The following SHANK2 variants were observed in gnomAD, a reference collection of about 807,000 sequenced individuals.
SHANK2 encodes SH3 and multiple ankyrin repeat domains 2.
In SHANK2, 43 loss-of-function variants were observed where a neutral mutation model predicts 133.7. The observed-to-expected ratio is 0.32, with a 90% CI of 0.25 to 0.41. The LOEUF is 0.41. Ranked by LOEUF, SHANK2 falls within the 10% of genes least tolerant of loss-of-function variation. The pLI, the probability that SHANK2 is intolerant of heterozygous loss-of-function variation, is 1.00. For synonymous variants in SHANK2, 1,017 were observed against 952.8 expected (o/e 1.07, Z -1.24); for missense variants, 1,994 against 2,235.8 (o/e 0.89, Z 2.18).
At chr11:70,753,592 T>C (rs75513142) in intron 14 of SHANK2, among the ~76,000 whole-genome samples, 4,007 of 128,402 alleles carry the variant, frequency 0.031, 158 homozygotes, top group African/African-American at 0.12. Context: ...ATAAAAATTT[T>C]AGTAAGACTG....
chr11:70,735,098 C>T (rs1946374549), intron 14 of SHANK2, among the ~76,000 whole-genome samples: 1 of 152,198 alleles, frequency 6.6e-6, no homozygotes, highest in Non-Finnish European at 1.5e-5. Flanking sequence ...GTGGGCGAGG[C>T]CGTGGCCTCC....
chr11:70,492,605 G>A (rs528582446), intron 21 of SHANK2, 140 bp from the exon 22 acceptor site: 74 of 1,100,960 alleles, frequency 6.7e-5, no homozygotes, highest in Middle Eastern at 2.0e-4. Context: ...AGGAGCATGC[G>A]TGTGCCTCTG....
chr11:71,251,899 G>C (rs1392761700), intron 1 of SHANK2, among the ~76,000 whole-genome samples: 1 of 151,874 alleles, frequency 6.6e-6, no homozygotes, highest in African/African-American at 2.4e-5. Flanking sequence ...CGGGGGACCT[G>C]GCGGCCACGG....
chr11:70,672,798 C>T lies in SHANK2; in HGVS notation c.1854-11120G>A, dbSNP rs562853223. On this transcript the variant is annotated intron_variant, in intron 15 of 25. Transcript: ENST00000601538. ...AGGCAGGACGGTTCTGCCCACCACA[C>T]TCTGCAGCCTTGGATGGTGCCAGCC... 3.3e-5 allele frequency among the ~76,000 whole-genome samples: 5 copies of T among 152,372 alleles called. No individual in the cohort carries two copies. The East Asian group carries it at 9.6e-4, about 29-fold the overall frequency.
At chr11:70,936,817 G>A (rs991920944) in intron 10 of SHANK2, among the ~76,000 whole-genome samples, 3 of 152,182 alleles carry the variant, frequency 2.0e-5, no homozygotes, top group African/African-American at 7.2e-5. Context: ...AACAGCCAGA[G>A]ACTGTGAGCA....
chr11:71,239,460 A>G (rs1954862258), intron 1 of SHANK2, among the ~76,000 whole-genome samples: 1 of 152,078 alleles, frequency 6.6e-6, no homozygotes, highest in African/African-American at 2.4e-5. Context: ...TGTTAATGGT[A>G]AAAAAATTTT....
At chr11:70,571,581 T>G (rs1242839113) in intron 17 of SHANK2, among the ~76,000 whole-genome samples, 1 of 152,176 alleles carries the variant, frequency 6.6e-6, no homozygotes, top group Non-Finnish European at 1.5e-5. Context: ...CCCCACAGGC[T>G]AATACAGTGG....
chr11:71,077,572 A>G, intron 8 of SHANK2, among the ~76,000 whole-genome samples: 1 of 152,344 alleles, frequency 6.6e-6, no homozygotes. Flanking sequence ...AAAGTCACCC[A>G]GAATCCCACA....
intron 11 of SHANK2, among the ~76,000 whole-genome samples, chr11:70,834,052 C>T (rs1555059322): frequency 1.3e-5 from 2 of 152,222 alleles, no homozygotes; most frequent in Non-Finnish European, 2.9e-5. Flanking sequence ...CACAACCAAA[C>T]CAGAAGGGAA....
intron 21 of SHANK2, chr11:70,495,830 G>C (rs2135785457): frequency 5.0e-6 from 1 of 201,060 alleles, no homozygotes. Context: ...TCTGGGGGCA[G>C]CCGCAGAATC....
At chr11:71,128,795 T>C (rs1952237642) in intron 3 of SHANK2, among the ~76,000 whole-genome samples, 1 of 152,174 alleles carries the variant, frequency 6.6e-6, no homozygotes, top group African/African-American at 2.4e-5. Context: ...GACAGGGGTT[T>C]CTTTTTTTGA....
At chr11:71,087,969 C>T (rs1471016949) in intron 8 of SHANK2, among the ~76,000 whole-genome samples, 1 of 152,140 alleles carries the variant, frequency 6.6e-6, no homozygotes, top group Non-Finnish European at 1.5e-5. Context: ...CTGTCCTGTG[C>T]CTGGAGGACT....
intron 17 of SHANK2, among the ~76,000 whole-genome samples, chr11:70,533,295 G>A (rs2059501663): frequency 6.6e-6 from 1 of 152,132 alleles, no homozygotes; most frequent in South Asian, 2.1e-4. Context: ...TTGCTGTGTT[G>A]TCTAGGCTGG....
intron 10 of SHANK2, among the ~76,000 whole-genome samples, chr11:70,933,930 C>CA (rs1361848153): frequency 1.9e-3 from 273 of 143,544 alleles, no homozygotes; most frequent in African/African-American, 6.2e-3. Context: ...AACAAACAAA[C>CA]AAACAAACAA....
At chr11:70,929,174 A>C (rs568056751) in intron 10 of SHANK2, among the ~76,000 whole-genome samples, 1 of 152,232 alleles carries the variant, frequency 6.6e-6, no homozygotes, top group African/African-American at 2.4e-5. Context: ...TGTGTATCAT[A>C]AGGAAGCCTC....
chr11:70,552,989 C>G (rs1045856129), intron 17 of SHANK2, among the ~76,000 whole-genome samples: 1 of 152,274 alleles, frequency 6.6e-6, no homozygotes, highest in South Asian at 2.1e-4. Context: ...CCCCCGTGTC[C>G]TCATGTGGTC....
At chr11:70,756,749 G>C (rs144474951) in intron 14 of SHANK2, among the ~76,000 whole-genome samples, 1 of 152,206 alleles carries the variant, frequency 6.6e-6, no homozygotes, top group African/African-American at 2.4e-5. Context: ...CAGTGGCCAC[G>C]CAGCGTTGAA....
At position 70,486,282 on chromosome 11, in the gene SHANK2, C is replaced by T. The variant is rs1342587291; in HGVS notation, c.4011G>A (p.Val1337=). Residue 1337 remains valine, a synonymous_variant, in exon 25 of 26, where the codon GTG becomes GTA. Coordinates refer to ENST00000601538, the MANE Select transcript of SHANK2 (RefSeq NM_012309.5). The surrounding 1 kb of genome is among the most constrained non-coding windows in gnomAD (Gnocchi z 8.0). ...ACGGCGAGCTGTCTGGCTTCATCTC[C>T]ACCTCTGCCTTCTCGTCCTCTTCCT... ...ALQEEDEKAE[V]EMKPDSSPSE... 1 of 1,614,022 alleles carries T rather than the reference C, an allele frequency of 6.2e-7. No homozygotes were observed. Among genetic ancestry groups the T allele is most frequent in the Non-Finnish European group, 8.5e-7 (1 of 1,180,030 alleles).
chr11:70,782,226 G>A (rs1441335992), intron 14 of SHANK2, among the ~76,000 whole-genome samples: 2 of 152,156 alleles, frequency 1.3e-5, no homozygotes, highest in East Asian at 3.9e-4. Flanking sequence ...TACCAAGCCT[G>A]GCTAATTTTT....
Sources: allele counts gnomAD v4.1 joint callset (sites outside exome capture counted in the v4.1 genomes callset), GRCh38; gene constraint gnomAD v4.1.1; non-coding constraint Gnocchi (gnomAD v3.1); transcripts MANE v1.5; gene names NCBI Gene and HGNC (gene_info 2026-07-23, HGNC 2026-07-21).